The following EPS15L1 variants were observed in gnomAD, a reference collection of about 807,000 sequenced individuals.
EPS15L1 encodes epidermal growth factor receptor substrate 15-like 1.
In EPS15L1, 43 loss-of-function variants were observed where a neutral mutation model predicts 117.1. That is an observed-to-expected ratio of 0.37 (90% confidence interval 0.29 to 0.47). EPS15L1 has a LOEUF of 0.47. Ranked by LOEUF, EPS15L1 falls within the 20% of genes least tolerant of loss-of-function variation. The pLI, the probability that EPS15L1 is intolerant of heterozygous loss-of-function variation, is 0.99. For synonymous variants in EPS15L1, 459 were observed against 470.5 expected (o/e 0.98, Z 0.32); for missense variants, 981 against 1,164.0 (o/e 0.84, Z 2.29).
At position 16,404,620 on chromosome 19, in the gene EPS15L1, C is replaced by T. The variant is rs368402926; in HGVS notation, c.1396G>A (p.Val466Ile). The T allele has an allele frequency of 2.0e-5, 32 of 1,614,052 alleles. No individual in the cohort carries two copies. Among genetic ancestry groups the T allele is most frequent in the South Asian group, 3.3e-5 (3 of 91,084 alleles). ...GTCTCATCCTGGCACTTCTGCCGGA[C>T]GTCGCTCAGCATGTCTCGGAGCTTG... Reference protein sequence around the residue: ...KAKLRDMLSDVRQKCQDETQM... With the variant: ...KAKLRDMLSDIRQKCQDETQM... The change falls in exon 14 of 24, where the codon GTC becomes ATC. Residue 466 changes from valine (V) to isoleucine (I), a missense_variant. Val to Ile is a conservative substitution (Grantham distance 29, BLOSUM62 3). Coordinates refer to ENST00000455140, the MANE Select transcript of EPS15L1 (RefSeq NM_001258374.3). This position sits in a 1 kb window ranked among gnomAD's most constrained non-coding sequence, Gnocchi z 4.2.
intron 4 of EPS15L1, among the ~76,000 whole-genome samples, chr19:16,438,220 G>C (rs933115674): frequency 1.3e-5 from 2 of 152,140 alleles, no homozygotes; most frequent in African/African-American, 2.4e-5. Flanking sequence ...AGGCGTGGTG[G>C]CAGGTGCCTG....
chr19:16,437,052 G>T (rs780087900), intron 5 of EPS15L1, 53 bp from the exon 6 acceptor site: 6 of 1,529,102 alleles, frequency 3.9e-6, no homozygotes, highest in Non-Finnish European at 5.4e-6. Flanking sequence ...TAAATCATAG[G>T]TGGGTGGGTT....
intron 19 of EPS15L1, among the ~76,000 whole-genome samples, chr19:16,389,301 A>C (rs1371286162): frequency 6.6e-6 from 1 of 152,020 alleles, no homozygotes; most frequent in African/African-American, 2.4e-5. Context: ...CAAAAAATAA[A>C]ACAATAGCTG....
intron 7 of EPS15L1, among the ~76,000 whole-genome samples, chr19:16,430,029 G>A (rs1264565565): frequency 2.6e-5 from 4 of 152,206 alleles, no homozygotes; most frequent in Non-Finnish European, 2.9e-5. Context: ...ATGTCCCCTG[G>A]GGGGTGGAAG....
chr19:16,402,250 C>T (rs1020947064), intron 16 of EPS15L1, 71 bp downstream of exon 16: 16 of 1,518,976 alleles, frequency 1.1e-5, no homozygotes, highest in African/African-American at 2.8e-5. Flanking sequence ...ACAGATCTGG[C>T]GGGTGGGATG....
Position 16,355,410 on chromosome 19 carries a change from G to A in EPS15L1, c.*295C>T, listed in dbSNP as rs1051891439. On this transcript the variant is annotated 3_prime_UTR_variant, in exon 24 of 24. Coordinates refer to ENST00000455140, the MANE Select transcript of EPS15L1 (RefSeq NM_001258374.3). ...GAAGCCCTGGGTGCTTCCTCTCCTC[G>A]ACTGACCGCTGTGTGTTCGTCCCCA... The A allele has an allele frequency of 3.5e-5, 13 of 370,554 alleles. No individual in the cohort carries two copies. Among genetic ancestry groups the A allele is most frequent in the African/African-American group, 2.4e-4 (12 of 49,350 alleles). The allele number at this position is 370,554 out of a possible 1,614,324, so 23.0% of individuals were successfully genotyped here.
At position 16,471,886 on chromosome 19, in the gene EPS15L1, C is replaced by T; in HGVS notation, c.33+27G>A. On this transcript the variant is annotated intron_variant, in intron 1 of 23. Coordinates refer to ENST00000455140, the MANE Select transcript of EPS15L1 (RefSeq NM_001258374.3). This position sits in a 1 kb window ranked among gnomAD's most constrained non-coding sequence, Gnocchi z 4.8. ...TCGCCTCGCGCCCCGCACCCCGGCG[C>T]CGCCCCCAGGCCCGCCCGGCCCGTA... The T allele has an allele frequency of 6.2e-6, 8 of 1,293,020 alleles. No individual in the cohort carries two copies. Among genetic ancestry groups the T allele is most frequent in the African/African-American group, 1.6e-5 (1 of 64,450 alleles). 80.1% of individuals were successfully genotyped at this position (1,293,020 alleles called of 1,614,324 possible). A position where few individuals can be genotyped will look rare whatever the true frequency, so the allele number is the denominator to read the frequency against.
chr19:16,404,794 A>G lies in EPS15L1; in HGVS notation c.1267-45T>C. On this transcript the variant is annotated intron_variant, in intron 13 of 23. Transcript: ENST00000455140. This position sits in a 1 kb window ranked among gnomAD's most constrained non-coding sequence, Gnocchi z 4.2. Reference sequence around the variant, plus strand: ...GTTTACGTGAGGATGGGAAAAATGAAGCATGTCCAAGATAACGGGGGGCAG... The same window carrying G: ...GTTTACGTGAGGATGGGAAAAATGAGGCATGTCCAAGATAACGGGGGGCAG... The G allele has an allele frequency of 1.2e-6, 2 of 1,605,494 alleles. No homozygotes were observed. The highest frequency in any genetic ancestry group is 2.2e-5 in the South Asian group (2 of 90,522).
chr19:16,470,551 T>C (rs1234584845), intron 1 of EPS15L1, among the ~76,000 whole-genome samples: 2 of 131,830 alleles, frequency 1.5e-5, no homozygotes, highest in African/African-American at 5.7e-5. Flanking sequence ...CACTTAGCTA[T>C]TAACACCTAT....
Position 16,459,018 on chromosome 19 carries a change from C to T in EPS15L1, c.33+12895G>A, listed in dbSNP as rs551883926. On this transcript the variant is annotated intron_variant, in intron 1 of 23. Coordinates refer to ENST00000455140, the MANE Select transcript of EPS15L1 (RefSeq NM_001258374.3). ...GGTCTAGCCTATTACTCCCAGGCTA[C>T]AAACCTGGGCAGCGTGGCCCGGTAC... Among the ~76,000 whole-genome samples the T allele has an allele frequency of 2.3e-4, 35 of 152,358 alleles. No individual in the cohort carries two copies. In the East Asian group the frequency reaches 6.6e-3, roughly 29 times the overall value.
At chr19:16,396,741 A>G (rs1050112787) in intron 16 of EPS15L1, among the ~76,000 whole-genome samples, 2 of 152,250 alleles carry the variant, frequency 1.3e-5, no homozygotes, top group African/African-American at 4.8e-5. Flanking sequence ...AGAAAATTGT[A>G]ACGAGCCACA....
At chr19:16,403,656 A>G in intron 15 of EPS15L1, 77 bp downstream of exon 15, 1 of 1,315,464 alleles carries the variant, frequency 7.6e-7, no homozygotes, top group Non-Finnish European at 1.1e-6. Context: ...AGAGCAAAGG[A>G]GTTCAGCAGT....
rs2092362553 is a variant in EPS15L1 at position 16,381,500 on chromosome 19, C to T, written c.2247+3629G>A. On this transcript the variant is annotated intron_variant, in intron 21 of 23. Coordinates refer to ENST00000455140, the MANE Select transcript of EPS15L1 (RefSeq NM_001258374.3). This position sits in a 1 kb window ranked among gnomAD's most constrained non-coding sequence, Gnocchi z 4.2. ...TTCATCTGTAAAATGGCAAGAGTGA[C>T]AGAGCTCGGAAGGCTCCGGCAAGAA... Among the ~76,000 whole-genome samples, 1 of 152,218 alleles carries T rather than the reference C, an allele frequency of 6.6e-6. No homozygotes were observed. Among genetic ancestry groups the T allele is most frequent in the African/African-American group, 2.4e-5 (1 of 41,454 alleles).
chr19:16,395,537 T>C (rs2092530877), intron 16 of EPS15L1, 70 bp from the exon 17 acceptor site: 3 of 1,470,156 alleles, frequency 2.0e-6, no homozygotes, highest in Non-Finnish European at 2.8e-6. Context: ...CGGAATTCCA[T>C]ACTTAACTCA....
At chr19:16,416,259 TC>T (rs1329069457) in intron 12 of EPS15L1, among the ~76,000 whole-genome samples, 1 of 152,126 alleles carries the variant, frequency 6.6e-6, no homozygotes. Flanking sequence ...ACAATCTCTT[TC>T]CCACAGAGGG....
intron 23 of EPS15L1, among the ~76,000 whole-genome samples, chr19:16,358,690 G>C (rs552991634): frequency 6.6e-6 from 1 of 152,228 alleles, no homozygotes; most frequent in Non-Finnish European, 1.5e-5. Flanking sequence ...CCCGGGAGGC[G>C]CCCGGCACCT....
chr19:16,441,714 G>A (rs972534462), intron 3 of EPS15L1, 178 bp downstream of exon 3: 33 of 495,840 alleles, frequency 6.7e-5, no homozygotes, highest in Non-Finnish European at 1.1e-5. Flanking sequence ...AAGTAGTGGT[G>A]GGGGCTGCCA....
intron 13 of EPS15L1, chr19:16,413,552 G>C: frequency 1.4e-6 from 1 of 728,262 alleles, no homozygotes; most frequent in Non-Finnish European, 2.3e-6. Context: ...AGAGCACCCA[G>C]GCTCCAGCTG....
intron 21 of EPS15L1, among the ~76,000 whole-genome samples, chr19:16,382,448 G>A (rs1435505155): frequency 6.6e-6 from 1 of 152,164 alleles, no homozygotes; most frequent in Admixed American, 6.5e-5. Context: ...GACAGAAAAA[G>A]CTACTATGAA....
Sources: gnomAD v4.1 joint callset for allele counts (sites outside exome capture counted in the v4.1 genomes callset) on GRCh38, gnomAD v4.1.1 for gene constraint, Gnocchi (gnomAD v3.1) non-coding constraint, MANE v1.5 for transcripts, NCBI Gene and HGNC (gene_info 2026-07-23, HGNC 2026-07-21) for gene names.